The following RMND5A variants were observed in gnomAD, a reference collection of about 807,000 sequenced individuals.
RMND5A encodes the protein E3 ubiquitin-protein transferase RMND5A.
Under a neutral mutation model 49.7 loss-of-function variants are expected in RMND5A, and 17 were observed. That is an observed-to-expected ratio of 0.34 (90% CI 0.23 to 0.51). The LOEUF is 0.51. Among genes scored for constraint, RMND5A ranks in the 20% least tolerant of loss-of-function variants. RMND5A has a pLI of 0.96. For missense variants in RMND5A, 255 were observed against 471.3 expected (o/e 0.54, Z 4.25); for synonymous variants, 156 against 167.7 (o/e 0.93, Z 0.54).
At position 86,720,679 on chromosome 2, in the gene RMND5A, C is replaced by G; in HGVS notation, c.12C>G (p.Cys4Trp). The stretch of plus-strand genomic sequence containing the variant: ...CCGCCGCCTCCGGCATGGATCAGTG[C>G]GTGACGGTGGAGCGCGAGCTGGAGA... The part of the protein sequence containing the change: MDQ[C>W]VTVERELEKV... Residue 4 changes from cysteine (C) to tryptophan (W), a missense_variant, in exon 1 of 9, where the codon TGC (cysteine) becomes TGG (tryptophan). By Grantham distance (215) the Cys-to-Trp change is radical. Around this residue, in one of 3 missense-constraint regions of RMND5A, gnomAD observed 42 missense variants for 59.9 expected, o/e 0.70. Coordinates refer to ENST00000283632, the MANE Select transcript of RMND5A (RefSeq NM_022780.4). 2 of 1,564,518 alleles carry G rather than the reference C, an allele frequency of 1.3e-6. No individual in the cohort carries two copies. The highest frequency in any genetic ancestry group is 1.7e-6 in the Non-Finnish European group (2 of 1,158,054).
chr2:86,720,703 G>C lies in RMND5A; in HGVS notation c.36G>C (p.Glu12Asp). 9.5e-6 allele frequency: 15 copies of C among 1,578,314 alleles called. No homozygotes were observed. The highest frequency in any genetic ancestry group is 1.3e-5 in the Non-Finnish European group (15 of 1,164,074). The part of the protein sequence containing the change: ...DQCVTVEREL[E>D]KVLHKFSGYG... ...GCGTGACGGTGGAGCGCGAGCTGGA[G>C]AAGGTGCTGCACAAGTTCTCAGGCT... is the stretch of plus-strand genomic sequence containing the variant. The change falls in exon 1 of 9, where the codon GAG (glutamate) becomes GAC (aspartate). Residue 12 changes from glutamate to aspartate, a missense_variant. Glu to Asp is a conservative substitution (Grantham distance 45). Transcript: ENST00000283632.
chr2:86,755,637 T>C (rs1432479815), intron 4 of RMND5A, among the ~76,000 whole-genome samples: 1 of 152,244 alleles, frequency 6.6e-6, no homozygotes, highest in African/African-American at 2.4e-5. Flanking sequence ...GCCTTCAGAG[T>C]ACTCCAGACT....
intron 1 of RMND5A, among the ~76,000 whole-genome samples, chr2:86,728,589 C>T (rs1681305841): frequency 1.1e-5 from 1 of 88,360 alleles, no homozygotes; most frequent in Non-Finnish European, 2.3e-5. Context: ...CAGGCATGAG[C>T]CACCACGCCC....
chr2:86,758,111 C>T (rs1681776748), intron 4 of RMND5A, among the ~76,000 whole-genome samples: 1 of 152,134 alleles, frequency 6.6e-6, no homozygotes, highest in South Asian at 2.1e-4. Flanking sequence ...AGTTTTGAGT[C>T]AGCATTAAGT....
intron 6 of RMND5A, among the ~76,000 whole-genome samples, chr2:86,769,054 C>T (rs1672644747): frequency 6.6e-6 from 1 of 152,202 alleles, no homozygotes; most frequent in Non-Finnish European, 1.5e-5. Flanking sequence ...CCTCCCACCT[C>T]AGCCTGCTCA....
At chr2:86,749,872 A>T (rs1298017904) in intron 2 of RMND5A, among the ~76,000 whole-genome samples, 1 of 152,196 alleles carries the variant, frequency 6.6e-6, no homozygotes, top group South Asian at 2.1e-4. Context: ...GATAGGGTAG[A>T]TAGCTGTTTA....
At chr2:86,743,712 G>A (rs1189937186) in intron 2 of RMND5A, among the ~76,000 whole-genome samples, 2 of 152,124 alleles carry the variant, frequency 1.3e-5, no homozygotes, top group African/African-American at 2.4e-5. Flanking sequence ...TCGGCTGGGC[G>A]TGGTGGCTCA....
At chr2:86,764,035 A>C (rs2104407163) in intron 4 of RMND5A, among the ~76,000 whole-genome samples, 1 of 152,348 alleles carries the variant, frequency 6.6e-6, no homozygotes, top group East Asian at 1.9e-4. Flanking sequence ...TGGGAAGGTT[A>C]GGACCCAGTA....
At chr2:86,745,810 T>A (rs1247799117) in intron 2 of RMND5A, among the ~76,000 whole-genome samples, 1 of 152,188 alleles carries the variant, frequency 6.6e-6, no homozygotes, top group Non-Finnish European at 1.5e-5. Context: ...ATGAGGAAAC[T>A]GAGACTCAAT....
Position 86,765,065 on chromosome 2 carries a change from A to G in RMND5A, c.560A>G (p.Asn187Ser). ...AACCGGGAAATGCTTATAGCTCAAA[A>G]CAGCTCCTTGGAATTTAAGCTACAC... The part of the protein sequence containing the change: ...VSNREMLIAQ[N>S]SSLEFKLHRL... The change falls in exon 5 of 9, where the codon AAC (asparagine) becomes AGC (serine). Residue 187 changes from asparagine to serine, a missense_variant. This residue lies in a region of RMND5A where 208 missense variants were observed against 339.8 expected (regional missense o/e 0.61). Coordinates refer to ENST00000283632, the MANE Select transcript of RMND5A (RefSeq NM_022780.4). 1.2e-6 allele frequency: 2 copies of G among 1,613,318 alleles called. No individual in the cohort carries two copies. Among genetic ancestry groups the G allele is most frequent in the South Asian group, 1.1e-5 (1 of 90,894 alleles).
At chr2:86,769,944 C>G in intron 6 of RMND5A, 79 bp from the exon 7 acceptor site, 1 of 952,300 alleles carries the variant, frequency 1.1e-6, no homozygotes, top group Non-Finnish European at 1.7e-6. Context: ...CACATAGAGT[C>G]TGGAGAAATT....
intron 4 of RMND5A, 101 bp downstream of exon 4, chr2:86,753,659 C>T (rs1169546726): frequency 7.1e-6 from 4 of 567,056 alleles, no homozygotes; most frequent in Non-Finnish European, 1.2e-5. Flanking sequence ...TTTATCTTAC[C>T]TGTGGTAGAC....
rs1672781018 is a variant in RMND5A at position 86,776,935 on chromosome 2, T to G, written c.*3524T>G. 1 of 152,246 alleles carries G rather than the reference T, an allele frequency of 6.6e-6. No individual in the cohort carries two copies. The highest frequency in any genetic ancestry group is 1.5e-5 in the Non-Finnish European group (1 of 68,048). The allele number at this position is 152,246 out of a possible 1,614,324, so 9.4% of individuals were successfully genotyped here. On this transcript the variant is annotated 3_prime_UTR_variant, in exon 9 of 9. Coordinates refer to ENST00000283632, the MANE Select transcript of RMND5A (RefSeq NM_022780.4). ...AGATTTGGTGTTTCATAAGCCTGTC[T>G]AGGTGTGGCAGGTTTTGTGTGGTAC...
chr2:86,756,458 C>T (rs937256412), intron 4 of RMND5A, among the ~76,000 whole-genome samples: 1 of 152,148 alleles, frequency 6.6e-6, no homozygotes, highest in African/African-American at 2.4e-5. Flanking sequence ...CTTGGTATAA[C>T]CCAGTGTTTT....
chr2:86,760,954 TGAGA>T (rs1411402948), intron 4 of RMND5A, among the ~76,000 whole-genome samples: 1 of 138,508 alleles, frequency 7.2e-6, no homozygotes, highest in Admixed American at 7.7e-5. Context: ...TACTTTGGAT[TGAGA>T]GAGAGAAGTG....
chr2:86,725,186 AATTT>A (rs1434610924), intron 1 of RMND5A, among the ~76,000 whole-genome samples: 16 of 113,930 alleles, frequency 1.4e-4, no homozygotes, highest in Non-Finnish European at 2.1e-4. Flanking sequence ...CTAAATTTAA[AATTT>A]ATTTATTAAT....
At chr2:86,761,859 T>C (rs1304904723) in intron 4 of RMND5A, among the ~76,000 whole-genome samples, 1 of 152,216 alleles carries the variant, frequency 6.6e-6, no homozygotes, top group East Asian at 1.9e-4. Context: ...GCCTTGTTTA[T>C]AGCAAAATTT....
chr2:86,752,340 GGTTA>G (rs1188317614), intron 3 of RMND5A, among the ~76,000 whole-genome samples: 2 of 152,168 alleles, frequency 1.3e-5, no homozygotes, highest in African/African-American at 4.8e-5. Context: ...TGATATAGAA[GGTTA>G]GTATAGCAGA....
At position 86,765,098 on chromosome 2, in the gene RMND5A, AT is replaced by A. The variant is rs1672568512; in HGVS notation, c.597del (p.Phe199LeufsTer5). On this transcript the variant is annotated frameshift_variant, in exon 5 of 9. Coordinates refer to ENST00000283632, the MANE Select transcript of RMND5A (RefSeq NM_022780.4). LOFTEE classifies it high-confidence loss of function. Reference protein sequence around the residue: ...SSLEFKLHRLYFISLLMGGTT... With the variant: ...SSLEFKLHRLXFISLLMGGTT... ...TTGGAATTTAAGCTACACAGACTGT[AT>A]TTTATTAGCTTGTTAATGGGTGGAA... 6.2e-7 allele frequency: 1 copy of A among 1,613,982 alleles called. No individual in the cohort carries two copies. Among genetic ancestry groups the A allele is most frequent in the African/African-American group, 1.3e-5 (1 of 74,924 alleles).
Sources: gnomAD v4.1 joint callset for allele counts (sites outside exome capture counted in the v4.1 genomes callset) on GRCh38, gnomAD v4.1.1 for gene constraint, gnomAD v4.1.1 regional missense constraint, MANE v1.5 for transcripts, NCBI Gene and HGNC (gene_info 2026-07-23, HGNC 2026-07-21) for gene names.